The following DNMT3L variants were observed in gnomAD, a reference collection of about 807,000 sequenced individuals.
DNMT3L encodes the protein DNA methyltransferase 3 like.
In DNMT3L, 33 loss-of-function variants were observed where a neutral mutation model predicts 36.2. The observed-to-expected ratio is 0.91, with a 90% CI of 0.69 to 1.22. DNMT3L has a LOEUF of 1.22. DNMT3L is among the 50% of genes most tolerant of loss of function. The pLI is 0.00. For synonymous variants in DNMT3L, 117 were observed against 121.7 expected, an observed-to-expected ratio of 0.96 and a Z score of 0.26; for missense variants, 310 against 303.1, an observed-to-expected ratio of 1.02 and a Z score of -0.17.
chr21:44,257,630 G>A (rs1290606908), intron 6 of DNMT3L, among the ~76,000 whole-genome samples: 83 of 143,190 alleles, frequency 5.8e-4, no homozygotes, highest in African/African-American at 2.0e-3. Context: ...GCAGTGAGCC[G>A]AGATCCCGCC....
At chr21:44,257,935 G>A (rs1601951976) in intron 6 of DNMT3L, among the ~76,000 whole-genome samples, 2 of 152,278 alleles carry the variant, frequency 1.3e-5, no homozygotes, top group East Asian at 3.9e-4. Context: ...TCATGTGACT[G>A]TCTTCTCCGT....
intron 1 of DNMT3L, 126 bp from the exon 2 acceptor site, chr21:44,261,392 C>A: frequency 1.2e-6 from 1 of 830,350 alleles, no homozygotes; most frequent in Non-Finnish European, 1.9e-6. Context: ...CCTGAACCCC[C>A]GCGGTGACAC....
In DNMT3L at chr21:44,258,775, C is replaced by T; in HGVS notation, c.345-81G>A. On this transcript the variant is annotated intron_variant, in intron 5 of 11. Transcript: ENST00000628202. This position sits in a 1 kb window ranked among gnomAD's most constrained non-coding sequence, Gnocchi z 6.2. ...ATGGCAGAGGTGGGCCTGATTGAGC[C>T]TTGTTTTGGAGGGAAAAGTCACGCT... 6.5e-7 allele frequency: 1 copy of T among 1,528,638 alleles called. No individual in the cohort carries two copies. The highest frequency in any genetic ancestry group is 1.3e-5 in the South Asian group (1 of 79,566). The allele number at this position is 1,528,638 out of a possible 1,614,324, so 94.7% of individuals were successfully genotyped here. A position where few individuals can be genotyped will look rare whatever the true frequency, so the allele number is the denominator to read the frequency against.
chr21:44,258,373 T>C lies in DNMT3L; in HGVS notation c.516+150A>G, dbSNP rs1033131670. The stretch of plus-strand genomic sequence containing the variant: ...AAAGCCACCATCGAGTGGAAGCCAC[T>C]ATCGGAGAGGAACCCAGGAAAGAGT... On this transcript the variant is annotated intron_variant, in intron 6 of 11. Coordinates refer to ENST00000628202, the MANE Select transcript of DNMT3L (RefSeq NM_175867.3). This position sits in a 1 kb window ranked among gnomAD's most constrained non-coding sequence, Gnocchi z 6.2. 1.7e-6 allele frequency: 2 copies of C among 1,179,380 alleles called. No individual in the cohort carries two copies. The highest frequency in any genetic ancestry group is 2.3e-6 in the Non-Finnish European group (2 of 869,380). 73.1% of individuals were successfully genotyped at this position (1,179,380 alleles called of 1,614,324 possible).
chr21:44,258,786 G>A lies in DNMT3L; in HGVS notation c.345-92C>T. ...GGGCCTGATTGAGCCTTGTTTTGGA[G>A]GGAAAAGTCACGCTGGAGCTCCCTT... On this transcript the variant is annotated intron_variant, in intron 5 of 11. Transcript: ENST00000628202. This position sits in a 1 kb window ranked among gnomAD's most constrained non-coding sequence, Gnocchi z 6.2. 5 of 1,501,646 alleles carry A rather than the reference G, an allele frequency of 3.3e-6. No individual in the cohort carries two copies. The highest frequency in any genetic ancestry group is 4.5e-6 in the Non-Finnish European group (5 of 1,119,846). The allele number at this position is 1,501,646 out of a possible 1,614,324, so 93.0% of individuals were successfully genotyped here.
At chr21:44,259,390 G>A in intron 5 of DNMT3L, 47 bp downstream of exon 5, 2 of 1,575,214 alleles carry the variant, frequency 1.3e-6, no homozygotes, top group Non-Finnish European at 1.7e-6. Flanking sequence ...GAAAGGATGG[G>A]TGTGTCCTCA....
chr21:44,256,008 G>T lies in DNMT3L; in HGVS notation c.604+59C>A, dbSNP rs969641261. The T allele has an allele frequency of 3.2e-6, 5 of 1,579,916 alleles. No homozygotes were observed. In the Admixed American group the frequency reaches 5.0e-5, roughly 16 times the overall value. ...GGGAGTCCCGGGGGGTGGCCTGAGGGGCAGTCAGGTGTTTAGAGGCATCTT... is the reference window on the plus strand; with the variant it reads ...GGGAGTCCCGGGGGGTGGCCTGAGGTGCAGTCAGGTGTTTAGAGGCATCTT... On this transcript the variant is annotated intron_variant, in intron 7 of 11. Transcript: ENST00000628202.
intron 5 of DNMT3L, 67 bp downstream of exon 5, chr21:44,259,370 A>G (rs1298374661): frequency 1.3e-6 from 2 of 1,507,544 alleles, no homozygotes; most frequent in South Asian, 1.1e-5. Context: ...ACACTCCAGA[A>G]TGAGTAGCTG....
At chr21:44,259,264 G>A (rs1035466695) in intron 5 of DNMT3L, among the ~76,000 whole-genome samples, 173 bp downstream of exon 5, 17 of 152,114 alleles carry the variant, frequency 1.1e-4, no homozygotes, top group African/African-American at 3.1e-4. Flanking sequence ...GTAGACACCC[G>A]CCTCCCATAG....
In DNMT3L at chr21:44,260,801, T is replaced by C. The variant is rs758691224; in HGVS notation, c.145A>G (p.Ile49Val). ...CCAGTATGCAAACACTCACCTTCTA[T>C]ATTTCGCTGGTTAGCCTTGACTTCA... ...AYEVKANQRN[I>V]EDICICCGSL... The change falls in exon 3 of 12, where the codon ATA becomes GTA. Residue 49 changes from isoleucine (I) to valine (V), a missense_variant. By Grantham distance (29) the Ile-to-Val change is conservative. Coordinates refer to ENST00000628202, the MANE Select transcript of DNMT3L (RefSeq NM_175867.3). 3.1e-6 allele frequency: 5 copies of C among 1,613,254 alleles called. No individual in the cohort carries two copies. The East Asian group carries it at 8.9e-5, about 29-fold the overall frequency.
At chr21:44,255,716 G>A (rs1288404425) in intron 7 of DNMT3L, among the ~76,000 whole-genome samples, 1 of 152,196 alleles carries the variant, frequency 6.6e-6, no homozygotes, top group African/African-American at 2.4e-5. Flanking sequence ...TGCAGGCGCT[G>A]CGGGATCAGG....
chr21:44,259,577 T>C (rs780044795), intron 4 of DNMT3L, 28 bp from the exon 5 acceptor site: 1 of 1,613,494 alleles, frequency 6.2e-7, no homozygotes, highest in Non-Finnish European at 8.5e-7. Flanking sequence ...AAGGCTGGCT[T>C]GTGTCATCCC....
intron 7 of DNMT3L, among the ~76,000 whole-genome samples, chr21:44,255,456 G>C (rs946508303): frequency 6.6e-6 from 1 of 151,070 alleles, no homozygotes. Flanking sequence ...GGGGGGCAGA[G>C]GTGCAGCGAG....
At chr21:44,254,231 G>C (rs143524542) in intron 8 of DNMT3L, among the ~76,000 whole-genome samples, 1 of 152,216 alleles carries the variant, frequency 6.6e-6, no homozygotes, top group African/African-American at 2.4e-5. Context: ...AGGGTGGAGT[G>C]GGGGTTCAGC....
At chr21:44,254,535 C>T (rs564279331) in intron 8 of DNMT3L, 82 bp downstream of exon 8, 84 of 1,503,758 alleles carry the variant, frequency 5.6e-5, no homozygotes, top group Middle Eastern at 3.5e-4. Context: ...CCTCCTTGCC[C>T]GCCTCATCCT....
At position 44,254,650 on chromosome 21, in the gene DNMT3L, A is replaced by C; in HGVS notation, c.660T>G (p.His220Gln). The C allele has an allele frequency of 1.2e-6, 2 of 1,613,946 alleles. No homozygotes were observed. The highest frequency in any genetic ancestry group is 8.5e-7 in the Non-Finnish European group (1 of 1,179,968). The change falls in exon 8 of 12, where the codon CAT becomes CAG. Residue 220 changes from histidine (H) to glutamine (Q), a missense_variant. Transcript: ENST00000628202. The part of the protein sequence containing the change: ...ESGSDPGQLK[H>Q]VVDVTDTVRK... ...TCACTGTGTCTGTGACATCAACCAC[A>C]TGCTTCAGTTGTCCCGGGTCAGAAC...
rs575141892 is a variant in DNMT3L at position 44,257,108 on chromosome 21, G to A, written c.517-954C>T. The stretch of plus-strand genomic sequence containing the variant: ...AAAACAGACTGGAGGGGCTGGGCCC[G>A]GTGGCTCATGCCTGTCATCCCAGCA... On this transcript the variant is annotated intron_variant, in intron 6 of 11. Transcript: ENST00000628202. Among the ~76,000 whole-genome samples, 9 of 152,362 alleles carry A rather than the reference G, an allele frequency of 5.9e-5. No individual in the cohort carries two copies. In the South Asian group the frequency reaches 6.2e-4, roughly 11 times the overall value.
intron 6 of DNMT3L, among the ~76,000 whole-genome samples, chr21:44,257,692 A>AT (rs1568916292): frequency 1.0e-4 from 8 of 80,146 alleles, no homozygotes; most frequent in Admixed American, 1.3e-4. Context: ...AAAAAAAAAA[A>AT]AAAATAAATA....
Position 44,259,418 on chromosome 21 carries a change from G to A in DNMT3L, c.344+19C>T, listed in dbSNP as rs1296032137. On this transcript the variant is annotated intron_variant, in intron 5 of 11. Transcript: ENST00000628202. Reference sequence around the variant, plus strand: ...TGTCCTCAGCCCCTTCACCCCCCTGGGCAGGCCCCTCGCCTCACCGGGTGC... The same window carrying A: ...TGTCCTCAGCCCCTTCACCCCCCTGAGCAGGCCCCTCGCCTCACCGGGTGC... 1 of 1,612,552 alleles carries A rather than the reference G, an allele frequency of 6.2e-7. No individual in the cohort carries two copies.
Sources: gnomAD v4.1 joint callset for allele counts (sites outside exome capture counted in the v4.1 genomes callset) on GRCh38, gnomAD v4.1.1 for gene constraint, Gnocchi (gnomAD v3.1) non-coding constraint, MANE v1.5 for transcripts, NCBI Gene and HGNC (gene_info 2026-07-23, HGNC 2026-07-21) for gene names.